SYT2: variants seen among roughly 807,000 people sequenced by gnomAD.
SYT2 encodes the protein synaptotagmin-2.
Under a neutral mutation model 39.9 loss-of-function variants are expected in SYT2, and 15 were observed. The ratio of observed to expected loss-of-function variants is 0.38; its 90% CI spans 0.25 to 0.58. SYT2 has a LOEUF of 0.58. SYT2 is among the 20% of genes least tolerant of loss of function. The probability of loss-of-function intolerance (pLI) is 0.70; values close to 1 mark genes in which losing one functional copy is unlikely to be tolerated. For synonymous variants in SYT2, 181 were observed against 204.5 expected (o/e 0.89, Z 0.98); for missense variants, 389 against 530.3 (o/e 0.73, Z 2.62).
intron 7 of SYT2, 132 bp downstream of exon 7, chr1:202,600,225 C>T: frequency 2.6e-6 from 2 of 759,278 alleles, no homozygotes; most frequent in Middle Eastern, 3.8e-4. Flanking sequence ...TAAGGCTCCC[C>T]CGCTCCTCGA....
intron 1 of SYT2, among the ~76,000 whole-genome samples, chr1:202,685,244 T>C (rs1051578836): frequency 6.6e-6 from 1 of 152,174 alleles, no homozygotes; most frequent in African/African-American, 2.4e-5. Flanking sequence ...AGTTCAGTTA[T>C]AGGTTAAGAG....
chr1:202,672,492 C>T (rs1692612493), intron 1 of SYT2, among the ~76,000 whole-genome samples: 1 of 151,852 alleles, frequency 6.6e-6, no homozygotes. Context: ...GTTTAAGACA[C>T]CCAGTCTATG....
At chr1:202,709,050 T>C (rs1424353121) in intron 1 of SYT2, among the ~76,000 whole-genome samples, 4 of 152,002 alleles carry the variant, frequency 2.6e-5, no homozygotes, top group Non-Finnish European at 5.9e-5. Flanking sequence ...GGGCACCCTT[T>C]TGCTTTCCAG....
chr1:202,642,405 T>C (rs1414610910), intron 1 of SYT2, among the ~76,000 whole-genome samples: 2 of 151,154 alleles, frequency 1.3e-5, no homozygotes, highest in Non-Finnish European at 2.9e-5. Context: ...CACCATGCGC[T>C]CCATCATCCT....
chr1:202,699,269 G>T (rs1654053262), intron 1 of SYT2, among the ~76,000 whole-genome samples: 1 of 152,062 alleles, frequency 6.6e-6, no homozygotes, highest in Admixed American at 6.5e-5. Context: ...TGATCCTCCT[G>T]CATTGGCCTC....
intron 1 of SYT2, among the ~76,000 whole-genome samples, chr1:202,653,547 G>C (rs1490122003): frequency 6.6e-6 from 1 of 151,860 alleles, no homozygotes; most frequent in Non-Finnish European, 1.5e-5. Context: ...CTCGTATGGG[G>C]GTCAGAAATA....
chr1:202,662,568 A>G (rs1692401873), intron 1 of SYT2, among the ~76,000 whole-genome samples: 1 of 152,170 alleles, frequency 6.6e-6, no homozygotes, highest in Non-Finnish European at 1.5e-5. Flanking sequence ...GAGGCAACGG[A>G]TGGAGCGGGG....
rs369922349 is a variant in SYT2 at position 202,602,101 on chromosome 1, G to A, written c.634-44C>T. Reference sequence around the variant, plus strand: ...ATCAGAGGGGGCCAGAGCGACTCACGCACCTCCAGGGGTGCTATGGGCAGG... The same window carrying A: ...ATCAGAGGGGGCCAGAGCGACTCACACACCTCCAGGGGTGCTATGGGCAGG... On this transcript the variant is annotated intron_variant, in intron 5 of 8. Coordinates refer to ENST00000367268, the MANE Select transcript of SYT2 (RefSeq NM_177402.5). 20 of 1,594,140 alleles carry A rather than the reference G, an allele frequency of 1.3e-5. 1 individual carries two copies. The highest frequency in any genetic ancestry group is 1.1e-4 in the African/African-American group (8 of 74,458).
chr1:202,618,242 T>C (rs1691102082), intron 1 of SYT2, among the ~76,000 whole-genome samples: 1 of 152,164 alleles, frequency 6.6e-6, no homozygotes, highest in Non-Finnish European at 1.5e-5. Flanking sequence ...CACTGAATTC[T>C]GTGGGGAAGT....
chr1:202,702,465 T>A (rs2149122053), intron 1 of SYT2, among the ~76,000 whole-genome samples: 1 of 152,302 alleles, frequency 6.6e-6, no homozygotes, highest in South Asian at 2.1e-4. Context: ...GCCAATTAAC[T>A]CCATGCTTCC....
At chr1:202,626,096 C>T (rs1420696236) in intron 1 of SYT2, among the ~76,000 whole-genome samples, 2 of 152,140 alleles carry the variant, frequency 1.3e-5, no homozygotes, top group South Asian at 2.1e-4. Flanking sequence ...GGGAAGGGAA[C>T]GCTGGGGGTC....
intron 1 of SYT2, among the ~76,000 whole-genome samples, chr1:202,654,091 A>G (rs1283836124): frequency 2.6e-5 from 4 of 152,136 alleles, no homozygotes; most frequent in Non-Finnish European, 4.4e-5. Flanking sequence ...GAGGAAATCA[A>G]TTGAGTGTTC....
At chr1:202,665,469 G>A (rs1692464586) in intron 1 of SYT2, among the ~76,000 whole-genome samples, 1 of 152,202 alleles carries the variant, frequency 6.6e-6, no homozygotes, top group Non-Finnish European at 1.5e-5. Context: ...GATGCCTGGT[G>A]TTTCTTCTGG....
intron 1 of SYT2, among the ~76,000 whole-genome samples, chr1:202,699,010 CTTT>C (rs5780118): frequency 3.4e-4 from 33 of 97,946 alleles, no homozygotes; most frequent in Middle Eastern, 0.013. Context: ...ACCAAACTGT[CTTT>C]TTTTTTTTTT....
At chr1:202,702,896 GCCCCTCTCCAGGCC>G (rs1410375669) in intron 1 of SYT2, among the ~76,000 whole-genome samples, 2 of 152,098 alleles carry the variant, frequency 1.3e-5, no homozygotes, top group African/African-American at 2.4e-5. Flanking sequence ...CTCAGCCCAA[GCCCCTCTCCAGGCC>G]CCCCTCCTTG....
At chr1:202,630,493 G>C (rs1691553695) in intron 1 of SYT2, 1 of 702,408 alleles carries the variant, frequency 1.4e-6, no homozygotes, top group Non-Finnish European at 1.7e-6. Context: ...CCAAGGTTTA[G>C]GAGGAGATGG....
chr1:202,652,408 T>C (rs1692210556), intron 1 of SYT2, among the ~76,000 whole-genome samples: 1 of 152,180 alleles, frequency 6.6e-6, no homozygotes, highest in African/African-American at 2.4e-5. Flanking sequence ...TCCTTTGAAT[T>C]TGGGCACCTG....
At position 202,603,061 on chromosome 1, in the gene SYT2, TCTC is replaced by T. The variant is rs758744206; in HGVS notation, c.400_402del (p.Glu134del). On this transcript the variant is annotated inframe_deletion, in exon 4 of 9. Transcript: ENST00000367268. Reference sequence around the variant, plus strand: ...AGTTTGCCCAGGTTCTCTGGCTCTTTCTCCTCCTCCCCTTCACCTTCCCCCTCA... The same window carrying T: ...AGTTTGCCCAGGTTCTCTGGCTCTTTCTCCTCCCCTTCACCTTCCCCCTCA... 14 of 1,613,994 alleles carry T rather than the reference TCTC, an allele frequency of 8.7e-6. No individual in the cohort carries two copies. The highest frequency in any genetic ancestry group is 1.1e-5 in the Non-Finnish European group (13 of 1,179,982).
At chr1:202,680,831 C>G (rs1170350466) in intron 1 of SYT2, among the ~76,000 whole-genome samples, 1 of 152,178 alleles carries the variant, frequency 6.6e-6, no homozygotes, top group Non-Finnish European at 1.5e-5. Flanking sequence ...GTGATCCCAT[C>G]ATTCTAGAGC....
Sources: allele counts gnomAD v4.1 joint callset (sites outside exome capture counted in the v4.1 genomes callset), GRCh38; gene constraint gnomAD v4.1.1; transcripts MANE v1.5; gene names NCBI Gene and HGNC (gene_info 2026-07-23, HGNC 2026-07-21).